The following PHRF1 variants were observed in gnomAD, a reference collection of about 807,000 sequenced individuals.
PHRF1 encodes PHD and ring finger domains 1, also known as PHD and RING finger domain-containing protein 1.
In PHRF1, 53 loss-of-function variants were observed where a neutral mutation model predicts 128.9. That is an observed-to-expected ratio of 0.41 (90% CI 0.33 to 0.52). PHRF1 has a LOEUF of 0.52. Ranked by LOEUF, PHRF1 falls within the 20% of genes least tolerant of loss-of-function variation. PHRF1 has a pLI of 0.21. For synonymous variants in PHRF1, 1,178 were observed against 980.6 expected (o/e 1.20, Z -3.76); for missense variants, 2,503 against 2,284.5 (o/e 1.10, Z -1.95).
chr11:607,464 G>A lies in PHRF1; in HGVS notation c.2008G>A (p.Ala670Thr), dbSNP rs755347567. ...SVVPGPPLKP[A>T]PRRTDISELP... Reference sequence around the variant, plus strand: ...GGTGCCGGGGCCTCCCCTGAAGCCAGCGCCCAGAAGAACAGACATCTCTGA... The same window carrying A: ...GGTGCCGGGGCCTCCCCTGAAGCCAACGCCCAGAAGAACAGACATCTCTGA... The change falls in exon 14 of 18, where the codon GCG (alanine) becomes ACG (threonine). Residue 670 changes from alanine to threonine, a missense_variant. Ala to Thr is a moderately conservative substitution (Grantham distance 58). Coordinates refer to ENST00000264555, the MANE Select transcript of PHRF1 (RefSeq NM_001286581.2). 3.1e-6 allele frequency: 5 copies of A among 1,612,764 alleles called. No homozygotes were observed. In the African/African-American group the frequency reaches 6.7e-5, roughly 22 times the overall value.
intron 12 of PHRF1, among the ~76,000 whole-genome samples, chr11:605,932 G>A (rs565211695): frequency 2.0e-5 from 3 of 152,360 alleles, no homozygotes; most frequent in Middle Eastern, 3.4e-3. Flanking sequence ...GCCTGTGAGC[G>A]TGGACTGGGA....
chr11:585,153 C>T (rs1027358065), intron 3 of PHRF1, among the ~76,000 whole-genome samples: 14 of 152,304 alleles, frequency 9.2e-5, no homozygotes, highest in African/African-American at 2.6e-4. Flanking sequence ...TGGGAGCTTT[C>T]GTTCTCATTG....
At chr11:598,149 CT>C (rs1340952084) in intron 8 of PHRF1, among the ~76,000 whole-genome samples, 1 of 152,226 alleles carries the variant, frequency 6.6e-6, no homozygotes, top group African/African-American at 2.4e-5. Flanking sequence ...TCGTGTGCCC[CT>C]GGGATGCTGT....
chr11:591,332 C>G, intron 4 of PHRF1, 52 bp from the exon 5 acceptor site: 1 of 1,485,326 alleles, frequency 6.7e-7, no homozygotes, highest in South Asian at 1.2e-5. Context: ...AATTTTTGAT[C>G]TCTAAGTGAA....
At chr11:602,761 G>GTTTTTTTTTTTTT (rs1374012486) in intron 10 of PHRF1, among the ~76,000 whole-genome samples, 1 of 137,124 alleles carries the variant, frequency 7.3e-6, no homozygotes, top group Non-Finnish European at 1.5e-5. Context: ...TTTTGTTTTT[G>GTTTTTTTTTTTTT]TTTTTTTTGT....
rs758792177 is a variant in PHRF1 at position 606,438 on chromosome 11, A to T, written c.1455-4A>T. On this transcript the variant is annotated splice_polypyrimidine_tract_variant and splice_region_variant and intron_variant, in intron 12 of 17. Coordinates refer to ENST00000264555, the MANE Select transcript of PHRF1 (RefSeq NM_001286581.2). ...ACGGCAGGGCCTTGGGTCTGTGCCCACAGGAGGCGCCTCCCTGCCGCGGTG... is the reference window on the plus strand; with the variant it reads ...ACGGCAGGGCCTTGGGTCTGTGCCCTCAGGAGGCGCCTCCCTGCCGCGGTG... 8 of 1,543,598 alleles carry T rather than the reference A, an allele frequency of 5.2e-6. No homozygotes were observed. Among genetic ancestry groups the T allele is most frequent in the Non-Finnish European group, 6.1e-6 (7 of 1,150,272 alleles).
At chr11:581,700 C>A in intron 2 of PHRF1, 94 bp downstream of exon 2, 2 of 1,232,098 alleles carry the variant, frequency 1.6e-6, no homozygotes, top group Non-Finnish European at 2.2e-6. Context: ...CACTTGTCAA[C>A]TTTCAGTCTA....
rs765196060 is a variant in PHRF1, at chr11:598,457, C to T, written c.979C>T (p.Arg327Cys). The change falls in exon 9 of 18, where the codon CGC becomes TGC. Residue 327 changes from arginine (R) to cysteine (C), a missense_variant. Transcript: ENST00000264555. Reference sequence around the variant, plus strand: ...TGGCCTGAGCACTGCCGTGTATCAGCGCCCCCTGACGCCGCGCACTCCCGC... The same window carrying T: ...TGGCCTGAGCACTGCCGTGTATCAGTGCCCCCTGACGCCGCGCACTCCCGC... ...ATGLSTAVYQ[R>C]PLTPRTPARR... 9.3e-6 allele frequency: 15 copies of T among 1,610,480 alleles called. No individual in the cohort carries two copies. The highest frequency in any genetic ancestry group is 2.2e-5 in the East Asian group (1 of 44,872).
At chr11:610,885 C>T (rs544500945) in intron 16 of PHRF1, 69 bp from the exon 17 acceptor site, 136 of 1,593,678 alleles carry the variant, frequency 8.5e-5, no homozygotes, top group Non-Finnish European at 1.1e-4. Flanking sequence ...GTGTCCAGAA[C>T]CACAGTGCCT....
intron 9 of PHRF1, 56 bp from the exon 10 acceptor site, chr11:601,518 A>G (rs2133028424): frequency 6.2e-7 from 1 of 1,608,044 alleles, no homozygotes; most frequent in Non-Finnish European, 8.5e-7. Context: ...ACTCACAGGA[A>G]TGGGGCAGGG....
chr11:589,626 A>G (rs1273681383), intron 4 of PHRF1, among the ~76,000 whole-genome samples: 1 of 152,270 alleles, frequency 6.6e-6, no homozygotes, highest in Non-Finnish European at 1.5e-5. Context: ...TGCTCACAGC[A>G]CACACACGAT....
In PHRF1 at chr11:608,603, C is replaced by T; in HGVS notation, c.3147C>T (p.Ala1049=). 1 of 1,612,190 alleles carries T rather than the reference C, an allele frequency of 6.2e-7. No individual in the cohort carries two copies. Among genetic ancestry groups the T allele is most frequent in the Non-Finnish European group, 8.5e-7 (1 of 1,179,738 alleles). Reference sequence around the variant, plus strand: ...GCCCCAGGAGGCAGCGGTCCAAGGCCAAGAGCCGGCGGTCCTCCAGTGACC... The same window carrying T: ...GCCCCAGGAGGCAGCGGTCCAAGGCTAAGAGCCGGCGGTCCTCCAGTGACC... ...EERPRRQRSK[A]KSRRSSSDRS... Residue 1049 remains alanine, a synonymous_variant, in exon 14 of 18, where the codon GCC becomes GCT. Transcript: ENST00000264555.
At chr11:610,451 C>T (rs1280564047) in intron 15 of PHRF1, 50 bp from the exon 16 acceptor site, 8 of 1,572,474 alleles carry the variant, frequency 5.1e-6, no homozygotes, top group African/African-American at 1.3e-5. Flanking sequence ...CTCCTGGGCA[C>T]AGAGCTGCTA....
At chr11:586,082 A>G (rs1424071962) in intron 3 of PHRF1, among the ~76,000 whole-genome samples, 1 of 151,828 alleles carries the variant, frequency 6.6e-6, no homozygotes, top group Non-Finnish European at 1.5e-5. Context: ...GCTGGTCTCA[A>G]ACCCCTGACC....
At position 597,315 on chromosome 11, in the gene PHRF1, G is replaced by C; in HGVS notation, c.719-80G>C. The C allele has an allele frequency of 6.6e-7, 1 of 1,512,682 alleles. No individual in the cohort carries two copies. The highest frequency in any genetic ancestry group is 2.0e-5 in the Admixed American group (1 of 51,206). 93.7% of individuals were successfully genotyped at this position (1,512,682 alleles called of 1,614,324 possible). On this transcript the variant is annotated intron_variant, in intron 7 of 17. Coordinates refer to ENST00000264555, the MANE Select transcript of PHRF1 (RefSeq NM_001286581.2). The surrounding 1 kb of genome is among the most constrained non-coding windows in gnomAD (Gnocchi z 6.5). ...CAGCCCGAGCCAGGGCTGCTACTTG[G>C]CCGGCAGCCACAGGGGGAGCCGTTG...
At position 609,731 on chromosome 11, in the gene PHRF1, C is replaced by G. The variant is rs772283041; in HGVS notation, c.4264+11C>G. The G allele has an allele frequency of 2.1e-6, 3 of 1,449,582 alleles. No individual in the cohort carries two copies. Among genetic ancestry groups the G allele is most frequent in the African/African-American group, 2.9e-5 (2 of 70,032 alleles). The allele number at this position is 1,449,582 out of a possible 1,614,324, so 89.8% of individuals were successfully genotyped here. Reference sequence around the variant, plus strand: ...AGGACAGAGCCCCCCGTGAGTAGTGCCCCGGCCCCCACCGAGGACAGAGCC... The same window carrying G: ...AGGACAGAGCCCCCCGTGAGTAGTGGCCCGGCCCCCACCGAGGACAGAGCC... On this transcript the variant is annotated intron_variant, in intron 14 of 17. Coordinates refer to ENST00000264555, the MANE Select transcript of PHRF1 (RefSeq NM_001286581.2).
intron 5 of PHRF1, among the ~76,000 whole-genome samples, chr11:592,096 T>C (rs1855004819): frequency 6.6e-6 from 1 of 152,098 alleles, no homozygotes. Flanking sequence ...TTTGTATTTT[T>C]AGTAGAGACG....
rs371981906 is a variant in PHRF1 at position 606,327 on chromosome 11, A to G, written c.1455-115A>G. The stretch of plus-strand genomic sequence containing the variant: ...GGAGCCAGGGCTGTGGGGGAGGCGC[A>G]GGCCCGGCCCAGCCCCACTCTCCCT... On this transcript the variant is annotated intron_variant, in intron 12 of 17. Coordinates refer to ENST00000264555, the MANE Select transcript of PHRF1 (RefSeq NM_001286581.2). 370 of 1,328,822 alleles carry G rather than the reference A, an allele frequency of 2.8e-4. 1 individual carries two copies. Among genetic ancestry groups the G allele is most frequent in the Middle Eastern group, 5.5e-4 (2 of 3,662 alleles). The allele number at this position is 1,328,822 out of a possible 1,614,324, so 82.3% of individuals were successfully genotyped here. A position where few individuals can be genotyped will look rare whatever the true frequency, so the allele number is the denominator to read the frequency against.
Position 597,037 on chromosome 11 carries a change from C to T in PHRF1, c.718+17C>T, listed in dbSNP as rs183021335. ...TTGCCGCTGGTAAGGACACTGCTCC[C>T]GTCCCAAGGCGCACATGGGCCTTCT... On this transcript the variant is annotated intron_variant, in intron 7 of 17. Transcript: ENST00000264555. This position sits in a 1 kb window ranked among gnomAD's most constrained non-coding sequence, Gnocchi z 6.5. 2.2e-5 allele frequency: 35 copies of T among 1,611,888 alleles called. No homozygotes were observed. Among genetic ancestry groups the T allele is most frequent in the Admixed American group, 1.7e-4 (10 of 59,938 alleles).
Sources: gnomAD v4.1 joint callset for allele counts (sites outside exome capture counted in the v4.1 genomes callset) on GRCh38, gnomAD v4.1.1 for gene constraint, Gnocchi (gnomAD v3.1) non-coding constraint, MANE v1.5 for transcripts, NCBI Gene and HGNC (gene_info 2026-07-23, HGNC 2026-07-21) for gene names.